The following MGMT variants were observed in gnomAD, a reference collection of about 807,000 sequenced individuals.
The protein encoded by MGMT is O-6-methylguanine-DNA methyltransferase.
MGMT carries 14 observed loss-of-function variants against 15.9 expected under a neutral mutation model. That is an observed-to-expected ratio of 0.88 (90% CI 0.58 to 1.37). The LOEUF (loss-of-function observed/expected upper bound fraction) is 1.37, where lower values mean the gene tolerates loss of function less well. Among genes scored for constraint, MGMT ranks in the 40% most tolerant of loss-of-function variants. The pLI is 0.00. For synonymous variants in MGMT, 130 were observed against 118.2 expected, an observed-to-expected ratio of 1.10 and a Z score of -0.65; for missense variants, 282 against 268.1, an observed-to-expected ratio of 1.05 and a Z score of -0.36.
At chr10:129,555,024 A>G (rs1294368500) in intron 2 of MGMT, among the ~76,000 whole-genome samples, 2 of 152,232 alleles carry the variant, frequency 1.3e-5, no homozygotes, top group African/African-American at 4.8e-5. Context: ...GCTGACCAGC[A>G]GGAAACTCTT....
In MGMT at chr10:129,646,745, TA is replaced by T. The variant is rs1208512657; in HGVS notation, c.126-61149del. Among the ~76,000 whole-genome samples, 14 of 108,752 alleles carry T rather than the reference TA, an allele frequency of 1.3e-4. 2 individuals are homozygous for T. The highest frequency in any genetic ancestry group is 2.8e-4 in the South Asian group (1 of 3,546). 71.3% of individuals were successfully genotyped at this position (108,752 alleles called of 152,430 possible). A position where few individuals can be genotyped will look rare whatever the true frequency, so the allele number is the denominator to read the frequency against. Reference sequence around the variant, plus strand: ...ATATATATATATATATATATATATATATATATATATTTTCAGGGAATGGTAG... The same window carrying T: ...ATATATATATATATATATATATATATTATATATATTTTCAGGGAATGGTAG... On this transcript the variant is annotated intron_variant, in intron 2 of 4. Transcript: ENST00000651593.
At chr10:129,681,354 G>A (rs1009736439) in intron 2 of MGMT, among the ~76,000 whole-genome samples, 1 of 152,066 alleles carries the variant, frequency 6.6e-6, no homozygotes, top group South Asian at 2.1e-4. Flanking sequence ...CCATGTTTCC[G>A]TCCCATAGAG....
intron 2 of MGMT, among the ~76,000 whole-genome samples, chr10:129,646,206 G>A (rs1415966339): frequency 6.6e-6 from 1 of 152,152 alleles, no homozygotes; most frequent in Non-Finnish European, 1.5e-5. Context: ...CCAGGACTCT[G>A]AGGCCCCACC....
chr10:129,737,867 A>AG (rs1490276238), intron 3 of MGMT, among the ~76,000 whole-genome samples: 5 of 152,126 alleles, frequency 3.3e-5, no homozygotes, highest in African/African-American at 1.2e-4. Flanking sequence ...AGGCTGCTTG[A>AG]GGGTCAGGGG....
intron 3 of MGMT, among the ~76,000 whole-genome samples, chr10:129,722,267 T>G (rs1848381037): frequency 6.6e-6 from 1 of 152,154 alleles, no homozygotes; most frequent in Non-Finnish European, 1.5e-5. Context: ...AAAAAGTAAA[T>G]TATAAAACAG....
intron 1 of MGMT, among the ~76,000 whole-genome samples, chr10:129,515,579 T>C (rs1395299191): frequency 6.6e-6 from 1 of 152,240 alleles, no homozygotes; most frequent in African/African-American, 2.4e-5. Context: ...TTGCGGATAT[T>C]TATCCCTTCC....
intron 3 of MGMT, among the ~76,000 whole-genome samples, chr10:129,737,859 G>T (rs2133168404): frequency 6.6e-6 from 1 of 152,322 alleles, no homozygotes; most frequent in East Asian, 1.9e-4. Flanking sequence ...TCCCAGTTAG[G>T]CTGCTTGAGG....
chr10:129,614,633 G>A (rs1847001631), intron 2 of MGMT, among the ~76,000 whole-genome samples: 1 of 152,212 alleles, frequency 6.6e-6, no homozygotes, highest in South Asian at 2.1e-4. Context: ...AAGAAACGGG[G>A]ATGGGCTGGA....
intron 2 of MGMT, among the ~76,000 whole-genome samples, chr10:129,634,186 A>G (rs1301576634): frequency 1.3e-5 from 2 of 152,146 alleles, no homozygotes; most frequent in African/African-American, 2.4e-5. Flanking sequence ...GCCCTCTTGC[A>G]TGCATTGTTT....
At chr10:129,688,251 T>C (rs963612510) in intron 2 of MGMT, among the ~76,000 whole-genome samples, 2 of 152,292 alleles carry the variant, frequency 1.3e-5, no homozygotes, top group Admixed American at 1.3e-4. Flanking sequence ...TTCTAGATCC[T>C]TGAGGAATCG....
chr10:129,569,395 C>A (rs936467880), intron 2 of MGMT, among the ~76,000 whole-genome samples: 1 of 152,162 alleles, frequency 6.6e-6, no homozygotes, highest in South Asian at 2.1e-4. Flanking sequence ...GCCTTGTCCT[C>A]GGGTTAGCTG....
intron 2 of MGMT, among the ~76,000 whole-genome samples, chr10:129,656,439 G>A (rs914783815): frequency 2.8e-4 from 42 of 152,124 alleles, no homozygotes; most frequent in African/African-American, 9.4e-4. Flanking sequence ...AAGCAGCATC[G>A]GCATGTCCTT....
intron 2 of MGMT, among the ~76,000 whole-genome samples, chr10:129,703,431 TG>T (rs1310245581): frequency 6.6e-6 from 1 of 152,160 alleles, no homozygotes; most frequent in Non-Finnish European, 1.5e-5. Flanking sequence ...GAGCAGTTGC[TG>T]GGGGCACAGA....
At chr10:129,620,591 C>A (rs1847080387) in intron 2 of MGMT, among the ~76,000 whole-genome samples, 2 of 152,212 alleles carry the variant, frequency 1.3e-5, no homozygotes, top group Admixed American at 6.5e-5. Flanking sequence ...TACTCTTTAT[C>A]TCCAGCCATT....
chr10:129,500,393 A>G (rs565180462), intron 1 of MGMT, among the ~76,000 whole-genome samples: 1 of 152,172 alleles, frequency 6.6e-6, no homozygotes, highest in South Asian at 2.1e-4. Flanking sequence ...GGGGATTGGA[A>G]TCTCCACGCT....
At chr10:129,575,810 A>C (rs1183743622) in intron 2 of MGMT, among the ~76,000 whole-genome samples, 5 of 150,062 alleles carry the variant, frequency 3.3e-5, no homozygotes, top group Admixed American at 1.3e-4. Flanking sequence ...AGAAGAAAAG[A>C]GAGAAGAATC....
chr10:129,629,790 C>T (rs1847190101), intron 2 of MGMT, among the ~76,000 whole-genome samples: 1 of 152,298 alleles, frequency 6.6e-6, no homozygotes, highest in South Asian at 2.1e-4. Context: ...ACTGATGGGA[C>T]ATAGGGAAGG....
At chr10:129,568,048 C>T (rs1287788096) in intron 2 of MGMT, among the ~76,000 whole-genome samples, 1 of 152,118 alleles carries the variant, frequency 6.6e-6, no homozygotes, top group African/African-American at 2.4e-5. Context: ...ACAAAATAAA[C>T]AATTCAGAGA....
At chr10:129,605,333 G>T (rs1427886958) in intron 2 of MGMT, among the ~76,000 whole-genome samples, 1 of 152,038 alleles carries the variant, frequency 6.6e-6, no homozygotes, top group African/African-American at 2.4e-5. Context: ...TTCTTTTAAT[G>T]TCAAAATTAT....
Sources: gnomAD v4.1 joint callset for allele counts (sites outside exome capture counted in the v4.1 genomes callset) on GRCh38, gnomAD v4.1.1 for gene constraint, MANE v1.5 for transcripts, NCBI Gene and HGNC (gene_info 2026-07-23, HGNC 2026-07-21) for gene names.